Variants in CLEC1A observed in about 807,000 individuals in gnomAD.
The protein encoded by CLEC1A is C-type lectin domain family 1 member A.
Under a neutral mutation model 28.7 loss-of-function variants are expected in CLEC1A, and 34 were observed. The observed-to-expected ratio is 1.18, with a 90% CI of 0.90 to 1.57. The LOEUF is 1.57. Among genes scored for constraint, CLEC1A ranks in the 40% most tolerant of loss-of-function variants. The pLI, the probability that CLEC1A is intolerant of heterozygous loss-of-function variation, is 0.00. For missense variants in CLEC1A, 385 were observed against 339.5 expected (o/e 1.13, Z -1.05); for synonymous variants, 116 against 121.0 (o/e 0.96, Z 0.27).
At position 10,071,361 on chromosome 12, in the gene CLEC1A, G is replaced by A. The variant is rs771148686; in HGVS notation, c.815C>T (p.Pro272Leu). The A allele has an allele frequency of 6.2e-7, 1 of 1,613,586 alleles. No individual in the cohort carries two copies. The highest frequency in any genetic ancestry group is 8.5e-7 in the Non-Finnish European group (1 of 1,179,806). Reference sequence around the variant, plus strand: ...GTCACCTTCGCCTAATGTTTCAGGGGGGACATGGAGGCTCTCTGGCTTCAC... The same window carrying A: ...GTCACCTTCGCCTAATGTTTCAGGGAGGACATGGAGGCTCTCTGGCTTCAC... ...GMVKPESLHV[P>L]PETLGEGD The change falls in exon 6 of 6, where the codon CCC becomes CTC. Residue 272 changes from proline (P) to leucine (L), a missense_variant. Pro to Leu is a moderately conservative substitution (Grantham distance 98). Transcript: ENST00000315330.
intron 2 of CLEC1A, among the ~76,000 whole-genome samples, chr12:10,083,578 T>G (rs941964336): frequency 1.3e-5 from 2 of 152,180 alleles, no homozygotes; most frequent in African/African-American, 4.8e-5. Context: ...GTTCAAGTGA[T>G]TCTCCTGCCT....
In CLEC1A at chr12:10,075,806, T is replaced by A. The variant is rs183473811; in HGVS notation, c.392-151A>T. On this transcript the variant is annotated intron_variant, in intron 3 of 5. Transcript: ENST00000315330. ...AGGCAATGATAACTACAATGTTTAC[T>A]GGATACCTACTAACTGCCAGGAATT... 8 of 655,148 alleles carry A rather than the reference T, an allele frequency of 1.2e-5. No individual in the cohort carries two copies. In the Admixed American group the frequency reaches 2.2e-4, roughly 18 times the overall value. The allele number at this position is 655,148 out of a possible 1,614,324, so 40.6% of individuals were successfully genotyped here.
chr12:10,080,500 G>A (rs1866345663), intron 3 of CLEC1A, among the ~76,000 whole-genome samples: 1 of 152,142 alleles, frequency 6.6e-6, no homozygotes, highest in African/African-American at 2.4e-5. Flanking sequence ...TAGTAGATGA[G>A]GAGACTTTGC....
At chr12:10,083,590 A>G (rs778262656) in intron 2 of CLEC1A, among the ~76,000 whole-genome samples, 1 of 152,102 alleles carries the variant, frequency 6.6e-6, no homozygotes, top group Non-Finnish European at 1.5e-5. Flanking sequence ...CTCCTGCCTC[A>G]GCCTCTCAAG....
At position 10,075,485 on chromosome 12, in the gene CLEC1A, A is replaced by G; in HGVS notation, c.543+19T>C. 1 of 1,611,852 alleles carries G rather than the reference A, an allele frequency of 6.2e-7. No individual in the cohort carries two copies. Among genetic ancestry groups the G allele is most frequent in the Non-Finnish European group, 8.5e-7 (1 of 1,179,016 alleles). ...TCTTTTTGAAATCCTTCAAACATTGAAAAGCCTCAGAATCTTACCAGGTCT... is the reference window on the plus strand; with the variant it reads ...TCTTTTTGAAATCCTTCAAACATTGGAAAGCCTCAGAATCTTACCAGGTCT... On this transcript the variant is annotated intron_variant, in intron 4 of 5. Transcript: ENST00000315330.
intron 2 of CLEC1A, among the ~76,000 whole-genome samples, chr12:10,086,316 T>A (rs1866491437): frequency 7.5e-6 from 1 of 133,322 alleles, no homozygotes; most frequent in Non-Finnish European, 1.6e-5. Flanking sequence ...CCAAATCCAG[T>A]AGAAGAAAAG....
chr12:10,079,758 G>A (rs182657185), intron 3 of CLEC1A, among the ~76,000 whole-genome samples: 5 of 152,004 alleles, frequency 3.3e-5, no homozygotes, highest in East Asian at 3.9e-4. Context: ...GATGGAGACC[G>A]CAGGGAGCCG....
In CLEC1A at chr12:10,075,753, C is replaced by G. The variant is rs1866239756; in HGVS notation, c.392-98G>C. The G allele has an allele frequency of 5.8e-6, 6 of 1,036,430 alleles. No individual in the cohort carries two copies. In the South Asian group the frequency reaches 9.8e-5, roughly 17 times the overall value. 64.2% of individuals were successfully genotyped at this position (1,036,430 alleles called of 1,614,324 possible). On this transcript the variant is annotated intron_variant, in intron 3 of 5. Coordinates refer to ENST00000315330, the MANE Select transcript of CLEC1A (RefSeq NM_016511.4). ...ATTTGATGTCCTAAGAAAGAATTAA[C>G]TCTTCCTCAATATTTAATTAATTAC... is the stretch of plus-strand genomic sequence containing the variant.
At chr12:10,085,254 G>T (rs777828387) in intron 2 of CLEC1A, among the ~76,000 whole-genome samples, 1 of 123,458 alleles carries the variant, frequency 8.1e-6, no homozygotes, top group African/African-American at 3.1e-5. Context: ...ATAAAACAAG[G>T]TATTCAGGCA....
chr12:10,093,330 A>G (rs1947732071), intron 1 of CLEC1A, among the ~76,000 whole-genome samples: 1 of 150,850 alleles, frequency 6.6e-6, no homozygotes, highest in Admixed American at 6.6e-5. Flanking sequence ...TGGACAGGCC[A>G]AGGAATGATA....
intron 1 of CLEC1A, among the ~76,000 whole-genome samples, chr12:10,089,674 C>T (rs1565606790): frequency 6.6e-6 from 1 of 151,994 alleles, no homozygotes; most frequent in African/African-American, 2.4e-5. Context: ...AAAACATCCC[C>T]CTTCCCCCAA....
At chr12:10,091,863 T>C (rs1367790458) in intron 1 of CLEC1A, among the ~76,000 whole-genome samples, 1 of 152,204 alleles carries the variant, frequency 6.6e-6, no homozygotes, top group Non-Finnish European at 1.5e-5. Context: ...ATATTGTATA[T>C]CTTTGTTATT....
chr12:10,080,996 T>C (rs569552476), intron 3 of CLEC1A, among the ~76,000 whole-genome samples: 89 of 152,322 alleles, frequency 5.8e-4, no homozygotes, highest in Middle Eastern at 3.4e-3. Flanking sequence ...TTTTGGTTAT[T>C]CTTAGTTAAT....
Position 10,075,507 on chromosome 12 carries a change from G to A in CLEC1A, c.540C>T (p.Asp180=), listed in dbSNP as rs1332097123. Residue 180 remains aspartate (D), a synonymous_variant, in exon 4 of 6, where the codon GAC becomes GAT. Coordinates refer to ENST00000315330, the MANE Select transcript of CLEC1A (RefSeq NM_016511.4). ...STMLKINKQE[D]LEFAASQSYS... is the part of the protein sequence containing the mutation. Reference sequence around the variant, plus strand: ...TTGAAAAGCCTCAGAATCTTACCAGGTCTTCTTGTTTGTTTATCTTCAGCA... The same window carrying A: ...TTGAAAAGCCTCAGAATCTTACCAGATCTTCTTGTTTGTTTATCTTCAGCA... 1 of 1,613,608 alleles carries A rather than the reference G, an allele frequency of 6.2e-7. No homozygotes were observed. The highest frequency in any genetic ancestry group is 2.2e-5 in the East Asian group (1 of 44,864).
At position 10,071,323 on chromosome 12, in the gene CLEC1A, A is replaced by T. The variant is rs751056732; in HGVS notation, c.*10T>A. On this transcript the variant is annotated 3_prime_UTR_variant, in exon 6 of 6. Coordinates refer to ENST00000315330, the MANE Select transcript of CLEC1A (RefSeq NM_016511.4). ...GGCTCACTCTGCTATTTGTAGTTGC[A>T]GAGGGCGAATCAGTCACCTTCGCCT... The T allele has an allele frequency of 6.2e-7, 1 of 1,610,388 alleles. No individual in the cohort carries two copies. The highest frequency in any genetic ancestry group is 1.1e-5 in the South Asian group (1 of 90,356).
intron 5 of CLEC1A, among the ~76,000 whole-genome samples, chr12:10,072,234 G>A (rs536304863): frequency 3.9e-4 from 59 of 152,034 alleles, no homozygotes; most frequent in Middle Eastern, 3.4e-3. Flanking sequence ...CTCTTGCTTC[G>A]CCTTCTGCCA....
chr12:10,070,222 C>T lies in CLEC1A; in HGVS notation c.*1111G>A, dbSNP rs1282549485. The T allele has an allele frequency of 6.6e-6, 1 of 152,244 alleles. No homozygotes were observed. Among genetic ancestry groups the T allele is most frequent in the African/African-American group, 2.4e-5 (1 of 41,462 alleles). 9.4% of individuals were successfully genotyped at this position (152,244 alleles called of 1,614,324 possible). On this transcript the variant is annotated 3_prime_UTR_variant, in exon 6 of 6. Transcript: ENST00000315330. ...GTGCACTAATGCAACTCAGCTTCCT[C>T]ATCAACCATGTGTTGATGCCATAAG...
intron 2 of CLEC1A, among the ~76,000 whole-genome samples, chr12:10,083,803 T>C (rs1365080694): frequency 1.3e-5 from 2 of 152,044 alleles, no homozygotes; most frequent in East Asian, 1.9e-4. Context: ...ATATAGGATA[T>C]GGATTTAAAA....
chr12:10,071,940 T>C (rs1177227739), intron 5 of CLEC1A, among the ~76,000 whole-genome samples: 1 of 152,224 alleles, frequency 6.6e-6, no homozygotes, highest in Non-Finnish European at 1.5e-5. Flanking sequence ...TATATTTTGA[T>C]AGAGAAATTA....
Sources: allele counts gnomAD v4.1 joint callset (sites outside exome capture counted in the v4.1 genomes callset), GRCh38; gene constraint gnomAD v4.1.1; transcripts MANE v1.5; gene names NCBI Gene and HGNC (gene_info 2026-07-23, HGNC 2026-07-21).